MYRIP: variants seen among roughly 807,000 people sequenced by gnomAD.
MYRIP encodes myosin VIIA and Rab interacting protein.
In MYRIP, 49 loss-of-function variants were observed where a neutral mutation model predicts 98.0. The observed-to-expected ratio is 0.50, with a 90% confidence interval of 0.40 to 0.63. The LOEUF is 0.63. Ranked by LOEUF, MYRIP falls within the 30% of genes least tolerant of loss-of-function variation. The pLI, the probability that MYRIP is intolerant of heterozygous loss-of-function variation, is 0.00. For synonymous variants in MYRIP, 404 were observed against 409.5 expected (o/e 0.99, Z 0.16); for missense variants, 1,004 against 1,058.2 (o/e 0.95, Z 0.71).
chr3:40,145,547 C>T (rs1407683553), intron 3 of MYRIP, among the ~76,000 whole-genome samples: 3 of 152,114 alleles, frequency 2.0e-5, no homozygotes, highest in Non-Finnish European at 2.9e-5. Flanking sequence ...GACCAGTTGG[C>T]GACTCTTTCA....
At chr3:40,214,209 A>T (rs1308512686) in intron 11 of MYRIP, among the ~76,000 whole-genome samples, 1 of 152,226 alleles carries the variant, frequency 6.6e-6, no homozygotes, top group African/African-American at 2.4e-5. Context: ...GCAGTGAGGA[A>T]GTCTAACCAC....
intron 3 of MYRIP, among the ~76,000 whole-genome samples, chr3:40,126,020 T>C (rs1408183258): frequency 6.6e-6 from 1 of 152,230 alleles, no homozygotes; most frequent in Non-Finnish European, 1.5e-5. Flanking sequence ...AGGGCCTTCA[T>C]GCTGTCAGGG....
chr3:40,236,173 C>T (rs938996135), intron 12 of MYRIP, among the ~76,000 whole-genome samples: 1 of 152,146 alleles, frequency 6.6e-6, no homozygotes, highest in Non-Finnish European at 1.5e-5. Context: ...CATGGTGTTA[C>T]AATTGCCTAC....
At chr3:40,064,242 G>A (rs888782935) in intron 3 of MYRIP, among the ~76,000 whole-genome samples, 1 of 151,806 alleles carries the variant, frequency 6.6e-6, no homozygotes, top group African/African-American at 2.4e-5. Flanking sequence ...ATTTACCCAA[G>A]GTAATTTTCC....
chr3:39,930,074 A>C (rs1944502306), intron 2 of MYRIP, among the ~76,000 whole-genome samples: 1 of 152,004 alleles, frequency 6.6e-6, no homozygotes, highest in Admixed American at 6.6e-5. Context: ...GTATATACTG[A>C]AGAGTGGAAT....
intron 16 of MYRIP, among the ~76,000 whole-genome samples, chr3:40,253,699 A>G (rs746114559): frequency 2.6e-4 from 39 of 152,212 alleles, no homozygotes; most frequent in Non-Finnish European, 5.0e-4. Context: ...CAGTATTGAC[A>G]ATAGAGTTTA....
intron 2 of MYRIP, among the ~76,000 whole-genome samples, chr3:40,028,420 A>G (rs934018774): frequency 6.6e-6 from 1 of 152,198 alleles, no homozygotes; most frequent in African/African-American, 2.4e-5. Context: ...CCCAGACGCT[A>G]TTGCAGAAAC....
At chr3:39,941,306 G>A (rs1479101629) in intron 2 of MYRIP, among the ~76,000 whole-genome samples, 1 of 151,992 alleles carries the variant, frequency 6.6e-6, no homozygotes, top group East Asian at 1.9e-4. Flanking sequence ...TGAACTAATA[G>A]AGTAAAAATT....
intron 9 of MYRIP, among the ~76,000 whole-genome samples, chr3:40,183,143 G>A (rs1234100404): frequency 3.3e-5 from 5 of 152,150 alleles, no homozygotes; most frequent in African/African-American, 9.7e-5. Flanking sequence ...GAGAGCTCAC[G>A]CCACTTTCAC....
chr3:40,229,391 T>C (rs1159528517), intron 11 of MYRIP, among the ~76,000 whole-genome samples: 5 of 152,060 alleles, frequency 3.3e-5, no homozygotes, highest in Non-Finnish European at 5.9e-5. Context: ...TTGAGATGAA[T>C]TGCGCAGGGC....
intron 11 of MYRIP, among the ~76,000 whole-genome samples, chr3:40,211,738 ACT>A (rs1951934186): frequency 6.6e-6 from 1 of 151,248 alleles, no homozygotes; most frequent in Admixed American, 6.6e-5. Context: ...GGCTCTAAAA[ACT>A]CTCACTGTAC....
At chr3:39,946,541 T>C (rs35924240) in intron 2 of MYRIP, among the ~76,000 whole-genome samples, 11,041 of 151,780 alleles carry the variant, frequency 0.073, 443 homozygotes, top group Middle Eastern at 0.092. Context: ...TAACTGGGGG[T>C]TCTCCAGTGC....
intron 3 of MYRIP, among the ~76,000 whole-genome samples, chr3:40,082,036 G>A (rs1360335113): frequency 1.3e-5 from 2 of 152,252 alleles, no homozygotes; most frequent in East Asian, 3.9e-4. Context: ...CATTCATTAT[G>A]TGTATATACC....
At chr3:39,905,989 G>A (rs189066861) in intron 2 of MYRIP, among the ~76,000 whole-genome samples, 10 of 152,214 alleles carry the variant, frequency 6.6e-5, no homozygotes, top group African/African-American at 2.4e-4. Context: ...GTCATGTGAG[G>A]ATCCTGGGGA....
chr3:40,129,473 A>C (rs113483246), intron 3 of MYRIP, among the ~76,000 whole-genome samples: 25,508 of 133,104 alleles, frequency 0.19, 3,364 homozygotes, highest in South Asian at 0.34. Context: ...AAAAAAAAAA[A>C]AAATCATGCC....
chr3:39,825,578 G>T (rs954783576), intron 1 of MYRIP, among the ~76,000 whole-genome samples: 1 of 152,040 alleles, frequency 6.6e-6, no homozygotes, highest in African/African-American at 2.4e-5. Flanking sequence ...TTGACATGTT[G>T]TGGGTTTTTT....
At chr3:40,021,260 A>G (rs1946989619) in intron 2 of MYRIP, among the ~76,000 whole-genome samples, 2 of 151,972 alleles carry the variant, frequency 1.3e-5, no homozygotes, top group Non-Finnish European at 2.9e-5. Context: ...GGGAATTTCC[A>G]GTTAGGAGGA....
chr3:39,994,680 G>A (rs558202627), intron 2 of MYRIP, among the ~76,000 whole-genome samples: 149 of 152,348 alleles, frequency 9.8e-4, no homozygotes, highest in Non-Finnish European at 1.4e-3. Flanking sequence ...CGACAGCTTT[G>A]AAGAGAATAA....
chr3:39,958,724 C>T lies in MYRIP; in HGVS notation c.110+57798C>T, dbSNP rs147836918. Among the ~76,000 whole-genome samples, 42 of 152,206 alleles carry T rather than the reference C, an allele frequency of 2.8e-4. No individual in the cohort carries two copies. The East Asian group carries it at 7.7e-3, about 28-fold the overall frequency. On this transcript the variant is annotated intron_variant, in intron 2 of 16. Transcript: ENST00000302541. ...AGCTTCTGCACAGCAAAAGAAACTG[C>T]CATCAGAGTGAACAGGCAACCTACA...
Sources: allele counts gnomAD v4.1 joint callset (sites outside exome capture counted in the v4.1 genomes callset), GRCh38; gene constraint gnomAD v4.1.1; transcripts MANE v1.5; gene names NCBI Gene and HGNC (gene_info 2026-07-23, HGNC 2026-07-21).